The following DBH variants were observed in gnomAD, a reference collection of about 807,000 sequenced individuals.
DBH encodes dopamine beta-hydroxylase.
DBH carries 49 observed loss-of-function variants against 64.0 expected under a neutral mutation model. The observed-to-expected ratio is 0.77, with a 90% CI of 0.61 to 0.97. The LOEUF is 0.97. Ranked by LOEUF, DBH falls within the 50% of genes least tolerant of loss-of-function variation. The pLI is 0.00. For missense variants in DBH, 828 were observed against 826.6 expected, an observed-to-expected ratio of 1.00 and a Z score of -0.02; for synonymous variants, 343 against 347.1, an observed-to-expected ratio of 0.99 and a Z score of 0.13.
chr9:133,638,654 C>T (rs1220001781), intron 1 of DBH, among the ~76,000 whole-genome samples: 3 of 152,046 alleles, frequency 2.0e-5, no homozygotes, highest in African/African-American at 4.8e-5. Context: ...GGGATATGGG[C>T]TTGGTGTGGG....
chr9:133,654,005 G>A (rs1011206830), intron 9 of DBH, among the ~76,000 whole-genome samples: 6 of 152,198 alleles, frequency 3.9e-5, no homozygotes, highest in East Asian at 1.9e-4. Flanking sequence ...ATCCCTCAGC[G>A]CCAGGAACTC....
In DBH at chr9:133,658,579, G is replaced by A; in HGVS notation, c.*132G>A. On this transcript the variant is annotated 3_prime_UTR_variant, in exon 12 of 12. Coordinates refer to ENST00000393056, the MANE Select transcript of DBH (RefSeq NM_000787.4). ...GATGAAGGGGCCAGACCACGCCCCT[G>A]CCTGAGACCACGGTCCAATCCAGCC... 3.8e-6 allele frequency: 4 copies of A among 1,060,844 alleles called. No individual in the cohort carries two copies. The highest frequency in any genetic ancestry group is 3.9e-6 in the Non-Finnish European group (3 of 764,082). 65.7% of individuals were successfully genotyped at this position (1,060,844 alleles called of 1,614,324 possible).
At chr9:133,654,125 T>TTTATTTTA (rs1832284926) in intron 9 of DBH, among the ~76,000 whole-genome samples, 1 of 70,106 alleles carries the variant, frequency 1.4e-5, no homozygotes, top group Admixed American at 1.7e-4. Flanking sequence ...TATATTTTAT[T>TTTATTTTA]TTTTTTTGAG....
Position 133,651,685 on chromosome 9 carries a change from C to A in DBH, c.1243C>A (p.Leu415Met), listed in dbSNP as rs766252783. ...HIFASQLHTH[L>M]TGRKVVTVLV... ...CTTCGCCTCTCAGCTCCACACACAC[C>A]TGACTGGGAGAAAGGTGGTCACAGT... is the stretch of plus-strand genomic sequence containing the variant. The change falls in exon 7 of 12, where the codon CTG becomes ATG. Residue 415 changes from leucine (L) to methionine (M), a missense_variant. Physicochemically the swap from Leu to Met is conservative, Grantham distance 15. Transcript: ENST00000393056. The A allele has an allele frequency of 6.2e-7, 1 of 1,613,974 alleles. No individual in the cohort carries two copies. The highest frequency in any genetic ancestry group is 8.5e-7 in the Non-Finnish European group (1 of 1,180,020).
intron 6 of DBH, among the ~76,000 whole-genome samples, chr9:133,649,797 C>T (rs1832223050): frequency 6.6e-6 from 1 of 152,226 alleles, no homozygotes; most frequent in South Asian, 2.1e-4. Context: ...CTGCCCCTTG[C>T]AGGGCCTTGG....
chr9:133,640,077 T>C, intron 2 of DBH, 85 bp downstream of exon 2: 1 of 1,554,394 alleles, frequency 6.4e-7, no homozygotes, highest in Non-Finnish European at 8.8e-7. Context: ...GTACCTTTCC[T>C]GTCCCTGATA....
At chr9:133,653,030 C>T (rs1395715567) in intron 9 of DBH, 31 bp downstream of exon 9, 3 of 1,563,510 alleles carry the variant, frequency 1.9e-6, no homozygotes, top group Admixed American at 3.3e-5. Context: ...CCTGCACCTG[C>T]CCAGGGCGAG....
chr9:133,656,523 G>C lies in DBH; in HGVS notation c.1435G>C (p.Gly479Arg). 4 of 1,613,862 alleles carry C rather than the reference G, an allele frequency of 2.5e-6. No homozygotes were observed. Among genetic ancestry groups the C allele is most frequent in the Non-Finnish European group, 3.4e-6 (4 of 1,179,998 alleles). ...NTEDRELATV[G>R]GFGILEEMCV... ...CTGACGGGTCTCCTCCAACTTGCAG[G>C]GGGGCTTCGGGATCCTGGAGGAGAT... Residue 479 changes from glycine to arginine, a missense_variant and splice_region_variant, in exon 10 of 12, where the codon GGG becomes CGG. Transcript: ENST00000393056.
intron 10 of DBH, 81 bp from the exon 11 acceptor site, chr9:133,656,989 T>C (rs1018804764): frequency 6.7e-7 from 1 of 1,493,598 alleles, no homozygotes; most frequent in African/African-American, 1.4e-5. Flanking sequence ...GGACTCGAGT[T>C]GCAGGGAGGT....
At chr9:133,645,950 T>C (rs1241794148) in intron 5 of DBH, among the ~76,000 whole-genome samples, 1 of 152,200 alleles carries the variant, frequency 6.6e-6, no homozygotes, top group Admixed American at 6.5e-5. Context: ...AAGATGTTAG[T>C]ATCTGTACCA....
At chr9:133,641,202 A>C (rs2519153) in intron 2 of DBH, among the ~76,000 whole-genome samples, 34,654 of 152,274 alleles carry the variant, frequency 0.23, 5,050 homozygotes, top group Non-Finnish European at 0.34. Context: ...AAGAAAACAG[A>C]ACAGCTGGCT....
intron 6 of DBH, 96 bp from the exon 7 acceptor site, chr9:133,651,538 C>T: frequency 6.6e-7 from 1 of 1,514,100 alleles, no homozygotes; most frequent in Non-Finnish European, 9.1e-7. Context: ...GGGAAGCAAA[C>T]TGCCCAGGGT....
intron 11 of DBH, 196 bp downstream of exon 11, chr9:133,657,425 GA>G (rs1832341172): frequency 3.0e-6 from 1 of 334,250 alleles, no homozygotes; most frequent in Non-Finnish European, 5.4e-6. Context: ...GGAGAGAGAG[GA>G]GAGAGAGGAG....
At chr9:133,652,332 G>C in intron 8 of DBH, 48 bp downstream of exon 8, 1 of 1,605,602 alleles carries the variant, frequency 6.2e-7, no homozygotes, top group African/African-American at 1.3e-5. Context: ...ACCAGCTGGG[G>C]TGGCTGAGAG....
In DBH at chr9:133,648,057, T is replaced by C. The variant is rs745500261; in HGVS notation, c.1191+45T>C. 2.5e-6 allele frequency: 4 copies of C among 1,579,104 alleles called. No individual in the cohort carries two copies. In the African/African-American group the frequency reaches 5.4e-5, roughly 21 times the overall value. ...GCACTGCACCCTCCCTCCTCCCGCG[T>C]CCCTCAGTGGAGGCCTGGCAGGTCG... is the stretch of plus-strand genomic sequence containing the variant. On this transcript the variant is annotated intron_variant, in intron 6 of 11. Coordinates refer to ENST00000393056, the MANE Select transcript of DBH (RefSeq NM_000787.4).
intron 1 of DBH, among the ~76,000 whole-genome samples, chr9:133,638,070 C>G (rs534856455): frequency 3.9e-5 from 6 of 152,364 alleles, no homozygotes; most frequent in East Asian, 3.9e-4. Context: ...CAGCGTCCCC[C>G]CTGCCTGCAT....
intron 5 of DBH, among the ~76,000 whole-genome samples, chr9:133,645,804 T>TG (rs1832174957): frequency 6.6e-6 from 1 of 152,208 alleles, no homozygotes; most frequent in Admixed American, 6.5e-5. Context: ...TTCCCAGCCC[T>TG]GTGGTCTTGT....
intron 11 of DBH, 96 bp from the exon 12 acceptor site, chr9:133,658,220 G>T: frequency 6.5e-7 from 1 of 1,534,862 alleles, no homozygotes; most frequent in Non-Finnish European, 9.0e-7. Flanking sequence ...TGAGTTTGAG[G>T]GCAAGAATCC....
At position 133,652,259 on chromosome 9, in the gene DBH, T is replaced by C; in HGVS notation, c.1349T>C (p.Leu450Ser). The change falls in exon 8 of 12, where the codon TTG (leucine) becomes TCG (serine). Residue 450 changes from leucine (L) to serine (S), a missense_variant. By Grantham distance (145) the Leu-to-Ser change is moderately radical. Transcript: ENST00000393056. The stretch of plus-strand genomic sequence containing the variant: ...TGCCTGCCCCAGGAGATCCGCATGT[T>C]GAAGAAGGTCGTGTCGGTCCATCCG... Reference protein sequence around the residue: ...YSPHFQEIRMLKKVVSVHPGD... With the variant: ...YSPHFQEIRMSKKVVSVHPGD... 6.2e-7 allele frequency: 1 copy of C among 1,613,800 alleles called. No individual in the cohort carries two copies. The highest frequency in any genetic ancestry group is 8.5e-7 in the Non-Finnish European group (1 of 1,180,018).
Sources: allele counts gnomAD v4.1 joint callset (sites outside exome capture counted in the v4.1 genomes callset), GRCh38; gene constraint gnomAD v4.1.1; transcripts MANE v1.5; gene names NCBI Gene and HGNC (gene_info 2026-07-23, HGNC 2026-07-21).